DHX36: variants seen among roughly 807,000 people sequenced by gnomAD.
DHX36 encodes the protein ATP-dependent DNA/RNA helicase DHX36.
Under a neutral mutation model 139.0 loss-of-function variants are expected in DHX36, and 50 were observed. That is an observed-to-expected ratio of 0.36 (90% confidence interval 0.29 to 0.46). The LOEUF is 0.46. Among genes scored for constraint, DHX36 ranks in the 20% least tolerant of loss-of-function variants. The pLI is 1.00. For missense variants in DHX36, 1,024 were observed against 1,211.3 expected (o/e 0.85, Z 2.29); for synonymous variants, 425 against 401.9 (o/e 1.06, Z -0.69).
chr3:154,310,432 T>G (rs9840163), intron 4 of DHX36, among the ~76,000 whole-genome samples: 1 of 151,870 alleles, frequency 6.6e-6, no homozygotes, highest in East Asian at 1.9e-4. Flanking sequence ...CTCAAAGGGA[T>G]GTTAGGGGTT....
At chr3:154,311,746 A>G in intron 3 of DHX36, 72 bp from the exon 4 acceptor site, 1 of 1,212,856 alleles carries the variant, frequency 8.2e-7, no homozygotes, top group Non-Finnish European at 1.2e-6. Context: ...TATTTAGGAT[A>G]CATCACAGGG....
At chr3:154,282,437 T>G (rs1719359239) in intron 20 of DHX36, among the ~76,000 whole-genome samples, 1 of 152,176 alleles carries the variant, frequency 6.6e-6, no homozygotes, top group Non-Finnish European at 1.5e-5. Flanking sequence ...CTGTTTATTT[T>G]CTAACCTATG....
intron 11 of DHX36, 139 bp from the exon 12 acceptor site, chr3:154,300,064 C>T: frequency 2.0e-6 from 1 of 502,368 alleles, no homozygotes; most frequent in Non-Finnish European, 3.6e-6. Flanking sequence ...AGTATATAAG[C>T]TTTTTTTTTT....
At chr3:154,298,371 T>C (rs1350374415) in intron 12 of DHX36, among the ~76,000 whole-genome samples, 1 of 152,140 alleles carries the variant, frequency 6.6e-6, no homozygotes, top group East Asian at 1.9e-4. Context: ...AATAAAAAAA[T>C]TCTAGTTGTT....
At chr3:154,278,283 T>A (rs1363216840) in intron 22 of DHX36, among the ~76,000 whole-genome samples, 1 of 151,848 alleles carries the variant, frequency 6.6e-6, no homozygotes, top group Non-Finnish European at 1.5e-5. Context: ...ATCTCTCAAT[T>A]CCTAGGTCAT....
At chr3:154,292,470 T>C in intron 15 of DHX36, 81 bp downstream of exon 15, 1 of 1,546,574 alleles carries the variant, frequency 6.5e-7, no homozygotes, top group South Asian at 1.2e-5. Context: ...TTTTAATAAA[T>C]ATCTTTAAAT....
At position 154,324,168 on chromosome 3, in the gene DHX36, G is replaced by T; in HGVS notation, c.243+6C>A. On this transcript the variant is annotated splice_donor_region_variant and intron_variant, in intron 1 of 24. Coordinates refer to ENST00000496811, the MANE Select transcript of DHX36 (RefSeq NM_020865.3). The stretch of plus-strand genomic sequence containing the variant: ...TCATCCTCTCCACTACTGAATCCGA[G>T]ATTACCTCTTGCCTCTCCGCTTCCT... The T allele has an allele frequency of 1.2e-6, 2 of 1,607,196 alleles. No homozygotes were observed. The highest frequency in any genetic ancestry group is 1.7e-4 in the Middle Eastern group (1 of 6,042).
intron 4 of DHX36, 23 bp from the exon 5 acceptor site, chr3:154,309,846 G>C: frequency 2.0e-6 from 3 of 1,523,588 alleles, no homozygotes; most frequent in Non-Finnish European, 2.7e-6. Context: ...GGAAAATAAA[G>C]AATATCACAT....
Position 154,276,001 on chromosome 3 carries a change from TC to T in DHX36, c.*169del. 1 of 425,952 alleles carries T rather than the reference TC, an allele frequency of 2.3e-6. No homozygotes were observed. Among genetic ancestry groups the T allele is most frequent in the Non-Finnish European group, 4.1e-6 (1 of 243,864 alleles). 26.4% of individuals were successfully genotyped at this position (425,952 alleles called of 1,614,324 possible). ...TGGTATATATATATATATATATATA[TC>T]TCTACATATAACATCAAGTCATGCA... is the stretch of plus-strand genomic sequence containing the variant. On this transcript the variant is annotated 3_prime_UTR_variant, in exon 25 of 25. Coordinates refer to ENST00000496811, the MANE Select transcript of DHX36 (RefSeq NM_020865.3).
chr3:154,315,926 GA>G (rs545456184), intron 2 of DHX36, 112 bp downstream of exon 2: 59 of 1,289,426 alleles, frequency 4.6e-5, no homozygotes, highest in African/African-American at 1.4e-4. Flanking sequence ...TCTACATAAG[GA>G]AAAAAAGTAC....
intron 9 of DHX36, among the ~76,000 whole-genome samples, chr3:154,301,839 A>C (rs1406998191): frequency 6.6e-6 from 1 of 152,054 alleles, no homozygotes. Context: ...AAAGACAAAA[A>C]TGAACCCACA....
At position 154,311,627 on chromosome 3, in the gene DHX36, G is replaced by A. The variant is rs1576879298; in HGVS notation, c.642+9C>T. The A allele has an allele frequency of 6.3e-7, 1 of 1,593,350 alleles. No homozygotes were observed. Among genetic ancestry groups the A allele is most frequent in the East Asian group, 2.3e-5 (1 of 43,910 alleles). ...AAATCAAATTAAATAGTGGAAAAAA[G>A]CACTTTACCTTTTGCATTCCATACG... On this transcript the variant is annotated intron_variant, in intron 4 of 24. Transcript: ENST00000496811.
At chr3:154,316,299 C>A in intron 1 of DHX36, 136 bp from the exon 2 acceptor site, 1 of 1,129,048 alleles carries the variant, frequency 8.9e-7, no homozygotes, top group Non-Finnish European at 1.3e-6. Context: ...CCACAGGTGT[C>A]CTCTAGCCCA....
chr3:154,286,353 A>G, intron 17 of DHX36, among the ~76,000 whole-genome samples: 1 of 151,702 alleles, frequency 6.6e-6, no homozygotes, highest in South Asian at 2.1e-4. Flanking sequence ...TAAAGATGTG[A>G]TAATATATGC....
intron 10 of DHX36, 125 bp from the exon 11 acceptor site, chr3:154,300,821 T>C: frequency 8.2e-7 from 1 of 1,225,350 alleles, no homozygotes; most frequent in South Asian, 1.3e-5. Context: ...AGAGAATTAC[T>C]GGGGTAATTA....
At position 154,324,208 on chromosome 3, in the gene DHX36, T is replaced by C. The variant is rs1713312842; in HGVS notation, c.209A>G (p.Gln70Arg). 3.1e-6 allele frequency: 5 copies of C among 1,613,252 alleles called. No individual in the cohort carries two copies. The highest frequency in any genetic ancestry group is 1.1e-5 in the South Asian group (1 of 90,956). Residue 70 changes from glutamine (Q) to arginine (R), a missense_variant, in exon 1 of 25, where the codon CAG becomes CGG. Gln to Arg is a conservative substitution (Grantham distance 43). This residue lies in a region of DHX36 where 293 missense variants were observed against 274.4 expected (regional missense o/e 1.07). Transcript: ENST00000496811. The stretch of plus-strand genomic sequence containing the variant: ...CTCCGCTTCCTTGTTCTTCTGCCCC[T>C]GTTTTTTCGCGTACCACATGCCGAT... ...REIGMWYAKKQGQKNKEAERQ... is the reference protein window; with the variant it reads ...REIGMWYAKKRGQKNKEAERQ...
At chr3:154,277,756 G>A (rs1329137262) in intron 22 of DHX36, 38 bp from the exon 23 acceptor site, 4 of 1,550,450 alleles carry the variant, frequency 2.6e-6, no homozygotes, top group Non-Finnish European at 3.5e-6. Context: ...TTAAAAAGAA[G>A]TCTTCTAGAG....
chr3:154,300,779 C>G, intron 10 of DHX36, 83 bp from the exon 11 acceptor site: 1 of 1,336,864 alleles, frequency 7.5e-7, no homozygotes, highest in African/African-American at 1.5e-5. Flanking sequence ...TTAACTCAAT[C>G]TGCAAATGGA....
chr3:154,300,655 T>A lies in DHX36; in HGVS notation c.1400A>T (p.Asp467Val). The change falls in exon 11 of 25, where the codon GAT (aspartate) becomes GTT (valine). Residue 467 changes from aspartate (D) to valine (V), a missense_variant. Around this residue, in one of 4 missense-constraint regions of DHX36, gnomAD observed 115 missense variants for 105.6 expected, o/e 1.09. Coordinates refer to ENST00000496811, the MANE Select transcript of DHX36 (RefSeq NM_020865.3). ...STVDVIEMME[D>V]DKVDLNLIVA... ...AATCAAATTCAGATCAACTTTATCA[T>A]CCTCCATCATTTCTATAACATCTAC... 1 of 1,613,818 alleles carries A rather than the reference T, an allele frequency of 6.2e-7. No individual in the cohort carries two copies. Among genetic ancestry groups the A allele is most frequent in the Non-Finnish European group, 8.5e-7 (1 of 1,179,836 alleles).
Sources: gnomAD v4.1 joint callset for allele counts (sites outside exome capture counted in the v4.1 genomes callset) on GRCh38, gnomAD v4.1.1 for gene constraint, gnomAD v4.1.1 regional missense constraint, MANE v1.5 for transcripts, NCBI Gene and HGNC (gene_info 2026-07-23, HGNC 2026-07-21) for gene names.